LRBA: variants seen among roughly 807,000 people sequenced by gnomAD.
LRBA encodes lipopolysaccharide-responsive and beige-like anchor protein.
LRBA carries 176 observed loss-of-function variants against 330.0 expected under a neutral mutation model. The ratio of observed to expected loss-of-function variants is 0.53; its 90% CI spans 0.47 to 0.60. The LOEUF is 0.60. Among genes scored for constraint, LRBA ranks in the 20% least tolerant of loss-of-function variants. The probability of loss-of-function intolerance (pLI) is 0.00; values close to 1 mark genes in which losing one functional copy is unlikely to be tolerated. For missense variants in LRBA, 3,259 were observed against 3,444.8 expected (o/e 0.95, Z 1.35); for synonymous variants, 1,230 against 1,193.0 (o/e 1.03, Z -0.64).
At chr4:150,553,149 G>A (rs1158321737) in intron 40 of LRBA, among the ~76,000 whole-genome samples, 1 of 152,072 alleles carries the variant, frequency 6.6e-6, no homozygotes, top group East Asian at 1.9e-4. Context: ...AAAAAAGGAT[G>A]AGTTCATGTC....
chr4:150,946,372 A>G (rs1432166106), intron 2 of LRBA, among the ~76,000 whole-genome samples: 1 of 152,190 alleles, frequency 6.6e-6, no homozygotes, highest in Non-Finnish European at 1.5e-5. Flanking sequence ...TCTGGGACAT[A>G]ATACAAACTC....
At chr4:150,593,331 A>G (rs1174156529) in intron 38 of LRBA, among the ~76,000 whole-genome samples, 4 of 152,220 alleles carry the variant, frequency 2.6e-5, no homozygotes, top group African/African-American at 4.8e-5. Flanking sequence ...GAGTAGTGTT[A>G]AAAATACTTT....
intron 47 of LRBA, among the ~76,000 whole-genome samples, chr4:150,355,392 T>C (rs557871473): frequency 6.6e-6 from 1 of 152,230 alleles, no homozygotes; most frequent in East Asian, 1.9e-4. Context: ...AATGCTAATA[T>C]TTACTTATTC....
intron 2 of LRBA, among the ~76,000 whole-genome samples, chr4:150,935,201 G>C (rs936922362): frequency 1.3e-5 from 2 of 148,994 alleles, no homozygotes; most frequent in Non-Finnish European, 3.0e-5. Flanking sequence ...AAGAAGAAAA[G>C]AAAATACTAG....
chr4:150,400,888 G>A (rs1335223159), intron 47 of LRBA, among the ~76,000 whole-genome samples: 1 of 152,152 alleles, frequency 6.6e-6, no homozygotes, highest in African/African-American at 2.4e-5. Context: ...GACAGAACAA[G>A]TAGTTGAGTG....
In LRBA at chr4:150,568,259, A is replaced by G. The variant is rs193105651; in HGVS notation, c.6330+19789T>C. Among the ~76,000 whole-genome samples the G allele has an allele frequency of 6.6e-5, 10 of 152,318 alleles. No homozygotes were observed. The East Asian group carries it at 1.9e-3, about 29-fold the overall frequency. On this transcript the variant is annotated intron_variant, in intron 40 of 56. Transcript: ENST00000651943. ...TAAGAAAGCTAGCCTGGAAAGACAA[A>G]GACTTCAGATTGGGGGCCAATGTGA...
chr4:150,730,218 A>G (rs1730253445), intron 36 of LRBA, among the ~76,000 whole-genome samples: 1 of 152,212 alleles, frequency 6.6e-6, no homozygotes, highest in African/African-American at 2.4e-5. Context: ...AACCCATAGA[A>G]TGGAAGAAAA....
In LRBA at chr4:150,590,700, C is replaced by A; in HGVS notation, c.6193+13G>T. 6.2e-7 allele frequency: 1 copy of A among 1,612,076 alleles called. No homozygotes were observed. The highest frequency in any genetic ancestry group is 8.5e-7 in the Non-Finnish European group (1 of 1,179,104). On this transcript the variant is annotated intron_variant, in intron 39 of 56. Transcript: ENST00000651943. ...AGAGGTAGCTGAAATATCTGCACAA[C>A]CACCAAATTTACCGGCAAGATTCTC...
At chr4:150,464,307 A>G (rs983625253) in intron 44 of LRBA, among the ~76,000 whole-genome samples, 2 of 152,112 alleles carry the variant, frequency 1.3e-5, no homozygotes, top group Non-Finnish European at 2.9e-5. Context: ...TTCTAACAAA[A>G]TCAACCCCCC....
chr4:150,678,237 T>A, intron 37 of LRBA, among the ~76,000 whole-genome samples: 1 of 145,670 alleles, frequency 6.9e-6, no homozygotes, highest in African/African-American at 2.6e-5. Context: ...TGAGACTCTG[T>A]CTCCAAGAAA....
intron 53 of LRBA, among the ~76,000 whole-genome samples, chr4:150,300,533 C>T (rs1729534008): frequency 6.6e-6 from 1 of 151,990 alleles, no homozygotes; most frequent in South Asian, 2.1e-4. Flanking sequence ...CTTCTGATAA[C>T]ACCTTAACTC....
intron 47 of LRBA, among the ~76,000 whole-genome samples, chr4:150,374,904 T>A (rs1019213473): frequency 2.0e-5 from 3 of 152,198 alleles, no homozygotes; most frequent in African/African-American, 7.2e-5. Context: ...ATAACTAATA[T>A]ACTCAGTGTA....
intron 9 of LRBA, among the ~76,000 whole-genome samples, chr4:150,909,236 A>C (rs72963611): frequency 2.4e-4 from 36 of 152,312 alleles, no homozygotes; most frequent in African/African-American, 8.7e-4. Context: ...TAGAACTTTT[A>C]TATCTTGCAA....
Position 150,974,228 on chromosome 4 carries a change from T to C in LRBA, c.216+40199A>G, listed in dbSNP as rs558991932. Reference sequence around the variant, plus strand: ...TGAGTTGAGACAACCATCATTCTAATGAGTTGAAGAGACACAGATCAGAGT... The same window carrying C: ...TGAGTTGAGACAACCATCATTCTAACGAGTTGAAGAGACACAGATCAGAGT... On this transcript the variant is annotated intron_variant, in intron 2 of 56. Transcript: ENST00000651943. Among the ~76,000 whole-genome samples the C allele has an allele frequency of 2.0e-5, 3 of 152,286 alleles. No individual in the cohort carries two copies. The East Asian group carries it at 5.8e-4, about 29-fold the overall frequency.
chr4:150,604,375 G>A (rs1015483919), intron 37 of LRBA, among the ~76,000 whole-genome samples: 1 of 150,348 alleles, frequency 6.7e-6, no homozygotes, highest in Middle Eastern at 3.4e-3. Flanking sequence ...ATGAACTCTA[G>A]CCTGGCTGAC....
chr4:150,667,862 C>T (rs141721866), intron 37 of LRBA, among the ~76,000 whole-genome samples: 32 of 152,260 alleles, frequency 2.1e-4, no homozygotes, highest in Admixed American at 5.2e-4. Flanking sequence ...ACTCAGTGTA[C>T]GGCAATTTAT....
At chr4:150,756,980 A>G (rs1315960536) in intron 35 of LRBA, among the ~76,000 whole-genome samples, 1 of 152,200 alleles carries the variant, frequency 6.6e-6, no homozygotes, top group African/African-American at 2.4e-5. Context: ...CATAAACAAA[A>G]TTAGTATTCA....
intron 44 of LRBA, among the ~76,000 whole-genome samples, chr4:150,453,463 C>CA (rs1456171886): frequency 1.3e-5 from 2 of 152,136 alleles, no homozygotes; most frequent in Non-Finnish European, 1.5e-5. Flanking sequence ...CTTCTACACA[C>CA]AAAAAAATGA....
chr4:150,275,409 T>C (rs1746625274), intron 56 of LRBA, among the ~76,000 whole-genome samples: 1 of 152,094 alleles, frequency 6.6e-6, no homozygotes, highest in Admixed American at 6.5e-5. Flanking sequence ...CTATTCAACA[T>C]AGTATTGGAA....
Sources: gnomAD v4.1 joint callset for allele counts (sites outside exome capture counted in the v4.1 genomes callset) on GRCh38, gnomAD v4.1.1 for gene constraint, MANE v1.5 for transcripts, NCBI Gene and HGNC (gene_info 2026-07-23, HGNC 2026-07-21) for gene names.